Variants in PHF3 observed in about 807,000 individuals in gnomAD.
PHF3 encodes the protein PHD finger protein 3.
In PHF3, 41 loss-of-function variants were observed where a neutral mutation model predicts 178.4. The observed-to-expected ratio is 0.23, with a 90% CI of 0.18 to 0.30. The LOEUF is 0.30. Ranked by LOEUF, PHF3 falls within the 10% of genes least tolerant of loss-of-function variation. The pLI, the probability that PHF3 is intolerant of heterozygous loss-of-function variation, is 1.00. For missense variants in PHF3, 2,346 were observed against 2,398.1 expected (o/e 0.98, Z 0.45); for synonymous variants, 842 against 800.5 (o/e 1.05, Z -0.88).
At chr6:63,639,578 A>G (rs1186667702) in intron 1 of PHF3, among the ~76,000 whole-genome samples, 1 of 152,182 alleles carries the variant, frequency 6.6e-6, no homozygotes, top group African/African-American at 2.4e-5. Context: ...TGTAGAGTGC[A>G]TTATAGAGTG....
rs1768086812 is a variant in PHF3 at position 63,713,860 on chromosome 6, A to G, written c.*152A>G. On this transcript the variant is annotated 3_prime_UTR_variant, in exon 16 of 16. Transcript: ENST00000262043. Reference sequence around the variant, plus strand: ...CAGTAAATTCTGTGTGTTGGTACAGAGTGCTCTGTACCAGTGCTCATCATC... The same window carrying G: ...CAGTAAATTCTGTGTGTTGGTACAGGGTGCTCTGTACCAGTGCTCATCATC... 6 of 625,064 alleles carry G rather than the reference A, an allele frequency of 9.6e-6. No homozygotes were observed. The highest frequency in any genetic ancestry group is 1.4e-5 in the Non-Finnish European group (5 of 365,150). 38.7% of individuals were successfully genotyped at this position (625,064 alleles called of 1,614,324 possible).
rs1561991715 is a variant in PHF3, at chr6:63,717,523, ATT to A, written c.*3816_*3817del. On this transcript the variant is annotated 3_prime_UTR_variant, in exon 16 of 16. Transcript: ENST00000262043. ...CTAATTCTTTGATTTCTGTTTCACAATTATAGTAATATGTAGAGCAAAAAAGT... is the reference window on the plus strand; with the variant it reads ...CTAATTCTTTGATTTCTGTTTCACAAATAGTAATATGTAGAGCAAAAAAGT... 6.6e-6 allele frequency among the ~76,000 whole-genome samples: 1 copy of A among 151,986 alleles called. No homozygotes were observed. Among genetic ancestry groups the A allele is most frequent in the African/African-American group, 2.4e-5 (1 of 41,400 alleles).
intron 10 of PHF3, 140 bp downstream of exon 10, chr6:63,702,779 G>GT: frequency 1.3e-6 from 1 of 780,320 alleles, no homozygotes; most frequent in Middle Eastern, 2.9e-4. Context: ...TGGTTTAGTG[G>GT]TTTTTTGAGT....
rs1272075403 is a variant in PHF3 at position 63,721,600 on chromosome 6, T to G, written c.*7892T>G. 6.4e-7 allele frequency: 1 copy of G among 1,551,610 alleles called. No homozygotes were observed. The highest frequency in any genetic ancestry group is 8.7e-7 in the Non-Finnish European group (1 of 1,146,744). On this transcript the variant is annotated 3_prime_UTR_variant, in exon 16 of 16. Coordinates refer to ENST00000262043, the MANE Select transcript of PHF3 (RefSeq NM_001370348.2). ...GTATTTGTGTCCAGAGAACTCATTT[T>G]AGTGGAGGCCTTTTCTGTTACATTT...
In PHF3 at chr6:63,685,879, G is replaced by C; in HGVS notation, c.2157G>C (p.Gln719His). 1 of 1,612,656 alleles carries C rather than the reference G, an allele frequency of 6.2e-7. No homozygotes were observed. The highest frequency in any genetic ancestry group is 8.5e-7 in the Non-Finnish European group (1 of 1,179,854). ...AATATATGTGGACTCCCAGCAAGCA[G>C]TGTGGGTTTTGCAAAAAACCACATG... ...ESKYMWTPSK[Q>H]CGFCKKPHGN... Residue 719 changes from glutamine to histidine, a missense_variant, in exon 4 of 16, where the codon CAG (glutamine) becomes CAC (histidine). By Grantham distance (24) the Gln-to-His change is conservative. Around this residue, in one of 8 missense-constraint regions of PHF3, gnomAD observed 72 missense variants for 110.5 expected, o/e 0.65. Transcript: ENST00000262043.
Position 63,713,207 on chromosome 6 carries a change from A to G in PHF3, c.5619A>G (p.Ser1873=), listed in dbSNP as rs1383533526. ...CACAGCGTATGATGGGTCCTCTCTC[A>G]CAAGCATCAAGGTATATAGGCCCGC... ...GQPQRMMGPL[S]QASRYIGPQN... Residue 1873 remains serine (S), a synonymous_variant, in exon 16 of 16, where the codon TCA becomes TCG. Transcript: ENST00000262043. 6.8e-6 allele frequency: 11 copies of G among 1,613,856 alleles called. No individual in the cohort carries two copies. Among genetic ancestry groups the G allele is most frequent in the Non-Finnish European group, 9.3e-6 (11 of 1,179,968 alleles).
Position 63,720,874 on chromosome 6 carries a change from G to C in PHF3, c.*7166G>C, listed in dbSNP as rs1452044257. The C allele has an allele frequency of 6.4e-7, 1 of 1,551,000 alleles. No individual in the cohort carries two copies. Among genetic ancestry groups the C allele is most frequent in the East Asian group, 2.4e-5 (1 of 40,856 alleles). On this transcript the variant is annotated 3_prime_UTR_variant, in exon 16 of 16. Coordinates refer to ENST00000262043, the MANE Select transcript of PHF3 (RefSeq NM_001370348.2). The stretch of plus-strand genomic sequence containing the variant: ...TTTATGTAGGCCTTGATAAGAGTCT[G>C]ATTTTGAATTACAACTACATGGTGC...
chr6:63,680,565 C>G (rs1177015643), intron 3 of PHF3, among the ~76,000 whole-genome samples: 1 of 148,530 alleles, frequency 6.7e-6, no homozygotes, highest in Non-Finnish European at 1.5e-5. Flanking sequence ...TTTGTTAGAT[C>G]AATGGTAATT....
At position 63,646,805 on chromosome 6, in the gene PHF3, A is replaced by AAT; in HGVS notation, c.244+10_244+11insAT. ...ATGCCTTGTTCAACAGGTAATTCTT[A>AAT]CTTTTTTTTTTTTTTTTTTTTTTAG... On this transcript the variant is annotated intron_variant, in intron 2 of 15. Coordinates refer to ENST00000262043, the MANE Select transcript of PHF3 (RefSeq NM_001370348.2). 1 of 1,102,368 alleles carries AAT rather than the reference A, an allele frequency of 9.1e-7. No homozygotes were observed. Among genetic ancestry groups the AAT allele is most frequent in the Non-Finnish European group, 1.1e-6 (1 of 912,602 alleles). The allele number at this position is 1,102,368 out of a possible 1,614,324, so 68.3% of individuals were successfully genotyped here.
chr6:63,711,225 T>C lies in PHF3; in HGVS notation c.3860T>C (p.Leu1287Ser), dbSNP rs1767913579. The change falls in exon 15 of 16, where the codon TTG (leucine) becomes TCG (serine). Residue 1287 changes from leucine to serine, a missense_variant. Around this residue, in one of 8 missense-constraint regions of PHF3, gnomAD observed 90 missense variants for 136.6 expected, o/e 0.66. Transcript: ENST00000262043. ...VTEEDQISYT[L>S]LFAYFSSRKR... is the part of the protein sequence containing the mutation. ...GAAGAAGATCAAATTTCTTATACTT[T>C]GCTCTTTGCATACTTCAGTAGCAGA... 1.9e-6 allele frequency: 3 copies of C among 1,612,818 alleles called. No individual in the cohort carries two copies. Among genetic ancestry groups the C allele is most frequent in the Non-Finnish European group, 2.5e-6 (3 of 1,179,514 alleles).
chr6:63,713,048 T>G lies in PHF3; in HGVS notation c.5460T>G (p.Pro1820=). The stretch of plus-strand genomic sequence containing the variant: ...CACCTGGATTTCCATTTCCAGGGCC[T>G]CCTAATTTTCCCCCACAAAGCATGT... ...SSPPGFPFPG[P]PNFPPQSMFG... Residue 1820 remains proline (P), a synonymous_variant, in exon 16 of 16, where the codon CCT becomes CCG. Coordinates refer to ENST00000262043, the MANE Select transcript of PHF3 (RefSeq NM_001370348.2). 1.9e-6 allele frequency: 3 copies of G among 1,613,964 alleles called. No homozygotes were observed. The highest frequency in any genetic ancestry group is 2.2e-5 in the East Asian group (1 of 44,858).
chr6:63,693,254 A>G (rs1007664751), intron 5 of PHF3, among the ~76,000 whole-genome samples: 4 of 152,208 alleles, frequency 2.6e-5, no homozygotes, highest in Non-Finnish European at 5.9e-5. Context: ...CCATATACAT[A>G]TGCAGTACAA....
Position 63,712,320 on chromosome 6 carries a change from A to G in PHF3, c.4732A>G (p.Ile1578Val), listed in dbSNP as rs776731651. Reference sequence around the variant, plus strand: ...AGAAGCATTTTTAACAAATTTATCAATTCAGTCAAAACAAGAGGAAACTGT... The same window carrying G: ...AGAAGCATTTTTAACAAATTTATCAGTTCAGTCAAAACAAGAGGAAACTGT... ...STEAFLTNLS[I>V]QSKQEETVES... The change falls in exon 16 of 16, where the codon ATT becomes GTT. Residue 1578 changes from isoleucine to valine, a missense_variant. Around this residue, in one of 8 missense-constraint regions of PHF3, gnomAD observed 839 missense variants for 806.9 expected, o/e 1.04. Transcript: ENST00000262043. The G allele has an allele frequency of 1.4e-5, 23 of 1,613,096 alleles. No homozygotes were observed. The Admixed American group carries it at 1.5e-4, about 11-fold the overall frequency.
At chr6:63,674,752 TC>T (rs1419670925) in intron 2 of PHF3, among the ~76,000 whole-genome samples, 7 of 152,162 alleles carry the variant, frequency 4.6e-5, no homozygotes, top group Non-Finnish European at 7.3e-5. Context: ...TATGTTCTTT[TC>T]CCCCTCAAGT....
Position 63,655,704 on chromosome 6 carries a change from T to C in PHF3, c.244+8909T>C, listed in dbSNP as rs536855456. Among the ~76,000 whole-genome samples the C allele has an allele frequency of 3.9e-5, 6 of 152,362 alleles. No individual in the cohort carries two copies. The South Asian group carries it at 1.2e-3, about 32-fold the overall frequency. On this transcript the variant is annotated intron_variant, in intron 2 of 15. Transcript: ENST00000262043. ...AAAGCACAGTGGTAACTACTACATT[T>C]ATATAAGCAGCTTTAATTGCTCTCA...
At chr6:63,688,702 C>A (rs1253530170) in intron 4 of PHF3, among the ~76,000 whole-genome samples, 1 of 152,066 alleles carries the variant, frequency 6.6e-6, no homozygotes, top group Non-Finnish European at 1.5e-5. Flanking sequence ...ATACATTGTG[C>A]TTGTATACAT....
chr6:63,670,470 ACGTTAGCCAGGATGGTCT>A (rs1207269130), intron 2 of PHF3, among the ~76,000 whole-genome samples: 1 of 151,822 alleles, frequency 6.6e-6, no homozygotes, highest in African/African-American at 2.4e-5. Context: ...GGGTTTCACC[ACGTTAGCCAGGATGGTCT>A]CGTTAGCCAG....
At chr6:63,679,097 T>C (rs1766309049) in intron 2 of PHF3, 1 of 152,002 alleles carries the variant, frequency 6.6e-6, no homozygotes, top group Non-Finnish European at 1.5e-5. Context: ...TTGATAAAGG[T>C]GTTTTTTTTT....
At chr6:63,699,128 A>G (rs999204915) in intron 8 of PHF3, among the ~76,000 whole-genome samples, 1 of 152,108 alleles carries the variant, frequency 6.6e-6, no homozygotes, top group South Asian at 2.1e-4. Context: ...TTAAACCCCT[A>G]ATTTTTTCTT....
Sources: allele counts gnomAD v4.1 joint callset (sites outside exome capture counted in the v4.1 genomes callset), GRCh38; gene constraint gnomAD v4.1.1; regional missense constraint gnomAD v4.1.1; transcripts MANE v1.5; gene names NCBI Gene and HGNC (gene_info 2026-07-23, HGNC 2026-07-21).